Variants in SRSF4 observed in about 807,000 individuals in gnomAD.
SRSF4 encodes the protein serine/arginine-rich splicing factor 4.
In SRSF4, 12 loss-of-function variants were observed where a neutral mutation model predicts 48.8. The ratio of observed to expected loss-of-function variants is 0.25; its 90% CI spans 0.16 to 0.40. The LOEUF is 0.40. Among genes scored for constraint, SRSF4 ranks in the 10% least tolerant of loss-of-function variants. The pLI is 1.00. For synonymous variants in SRSF4, 248 were observed against 232.5 expected (o/e 1.07, Z -0.61); for missense variants, 466 against 667.1 (o/e 0.70, Z 3.32).
At chr1:29,180,651 C>T (rs1672941489) in intron 1 of SRSF4, among the ~76,000 whole-genome samples, 1 of 152,174 alleles carries the variant, frequency 6.6e-6, no homozygotes, top group African/African-American at 2.4e-5. Flanking sequence ...GTTTAGTGCC[C>T]TAAAATGTCA....
intron 5 of SRSF4, 127 bp downstream of exon 5, chr1:29,149,976 C>T (rs1672381140): frequency 4.0e-6 from 3 of 758,538 alleles, no homozygotes; most frequent in Non-Finnish European, 4.4e-6. Context: ...TGCAGTGAGC[C>T]ATGACTGTAC....
chr1:29,179,194 G>A (rs1003375989), intron 1 of SRSF4, among the ~76,000 whole-genome samples: 1 of 152,048 alleles, frequency 6.6e-6, no homozygotes, highest in African/African-American at 2.4e-5. Flanking sequence ...AATAGTCGTT[G>A]TTTCTGGTTT....
intron 4 of SRSF4, among the ~76,000 whole-genome samples, chr1:29,153,083 A>G (rs1484368193): frequency 6.6e-6 from 1 of 152,034 alleles, no homozygotes; most frequent in Non-Finnish European, 1.5e-5. Context: ...AGCACGGTTT[A>G]TTCAATACTC....
chr1:29,173,453 GTTTTTTTTTTTTCTTTTTTTT>G (rs1672779226), intron 1 of SRSF4: 1 of 99,616 alleles, frequency 1.0e-5, no homozygotes, highest in Non-Finnish European at 2.0e-5. Context: ...CTAAAAAGTT[GTTTTTTTTTTTTCTTTTTTTT>G]TTTTTTTTTT....
chr1:29,154,681 A>T lies in SRSF4; in HGVS notation c.578+15T>A. The T allele has an allele frequency of 6.2e-7, 1 of 1,612,368 alleles. No homozygotes were observed. The highest frequency in any genetic ancestry group is 8.5e-7 in the Non-Finnish European group (1 of 1,179,138). On this transcript the variant is annotated intron_variant, in intron 4 of 5. Coordinates refer to ENST00000373795, the MANE Select transcript of SRSF4 (RefSeq NM_005626.5). ...TTTATGATGAGCTCCAACACACAAAAGACATCAACAGTACCTTGAATGACT... is the reference window on the plus strand; with the variant it reads ...TTTATGATGAGCTCCAACACACAAATGACATCAACAGTACCTTGAATGACT...
chr1:29,169,170 G>A (rs1249665544), intron 1 of SRSF4: 3 of 152,210 alleles, frequency 2.0e-5, no homozygotes, highest in African/African-American at 7.2e-5. Flanking sequence ...TCACAACTCT[G>A]AGGTTTACTG....
intron 1 of SRSF4, among the ~76,000 whole-genome samples, chr1:29,160,853 A>G (rs1044239210): frequency 1.4e-4 from 22 of 152,274 alleles, no homozygotes; most frequent in African/African-American, 5.3e-4. Flanking sequence ...TACAAGACAT[A>G]TAACGCTCTT....
At chr1:29,180,812 T>C (rs968431040) in intron 1 of SRSF4, among the ~76,000 whole-genome samples, 1 of 152,224 alleles carries the variant, frequency 6.6e-6, no homozygotes, top group African/African-American at 2.4e-5. Flanking sequence ...TTTGCCGAAG[T>C]AGATTAAGAA....
intron 1 of SRSF4, among the ~76,000 whole-genome samples, chr1:29,175,566 G>A (rs1193982777): frequency 6.7e-6 from 1 of 149,202 alleles, no homozygotes; most frequent in Non-Finnish European, 1.5e-5. Context: ...GCGGTGGCGG[G>A]CTCCTGTAGT....
intron 1 of SRSF4, among the ~76,000 whole-genome samples, chr1:29,180,734 G>A (rs1245543464): frequency 1.3e-5 from 2 of 152,174 alleles, no homozygotes; most frequent in African/African-American, 4.8e-5. Context: ...TTTCCCCGTT[G>A]AGTATTTTCT....
At position 29,148,453 on chromosome 1, in the gene SRSF4, C is replaced by T; in HGVS notation, c.1442G>A (p.Arg481Lys). 6 of 1,611,646 alleles carry T rather than the reference C, an allele frequency of 3.7e-6. No individual in the cohort carries two copies. Among genetic ancestry groups the T allele is most frequent in the Non-Finnish European group, 5.1e-6 (6 of 1,178,590 alleles). The change falls in exon 6 of 6, where the codon AGA becomes AAA. Residue 481 changes from arginine (R) to lysine (K), a missense_variant. By Grantham distance (26) the Arg-to-Lys change is conservative. Transcript: ENST00000373795. ...RSKSRSRSAS[R>K]SPSRSRSRSH... ...CCTAGATCTAGATCGGGAGGGCGATCTGGAAGCAGACCTGGATCTAGACTT... is the reference window on the plus strand; with the variant it reads ...CCTAGATCTAGATCGGGAGGGCGATTTGGAAGCAGACCTGGATCTAGACTT...
chr1:29,158,738 C>T (rs753222288), intron 3 of SRSF4, among the ~76,000 whole-genome samples: 4 of 152,102 alleles, frequency 2.6e-5, no homozygotes, highest in Non-Finnish European at 2.9e-5. Context: ...GCCAGGAGTT[C>T]GAGACCAGTC....
At chr1:29,171,809 T>C (rs949074333) in intron 1 of SRSF4, 3 of 152,156 alleles carry the variant, frequency 2.0e-5, no homozygotes, top group Non-Finnish European at 4.4e-5. Context: ...AAGGGACAAA[T>C]ACTTCGTATG....
intron 1 of SRSF4, among the ~76,000 whole-genome samples, chr1:29,177,561 T>C (rs1283869343): frequency 6.6e-6 from 1 of 152,126 alleles, no homozygotes; most frequent in Non-Finnish European, 1.5e-5. Context: ...GGGTTACAGG[T>C]GTGAGCCACC....
intron 1 of SRSF4, among the ~76,000 whole-genome samples, chr1:29,175,717 AAAAAAAT>A (rs1483580385): frequency 9.9e-5 from 15 of 150,980 alleles, no homozygotes; most frequent in African/African-American, 3.6e-4. Flanking sequence ...AAAAAAAAAA[AAAAAAAT>A]TTCCAATTAT....
Position 29,154,458 on chromosome 1 carries a change from G to A in SRSF4, c.578+238C>T, listed in dbSNP as rs187668562. On this transcript the variant is annotated intron_variant, in intron 4 of 5. Coordinates refer to ENST00000373795, the MANE Select transcript of SRSF4 (RefSeq NM_005626.5). ...GATGCGCCCACCTTGGCCTCCCAAA[G>A]TGCTGGGATTACAGGCGTGAGCAAG... 1,683 of 489,458 alleles carry A rather than the reference G, an allele frequency of 3.4e-3. 21 individuals are homozygous for A. Among genetic ancestry groups the A allele is most frequent in the Non-Finnish European group, 2.5e-3 (700 of 278,388 alleles). The allele number at this position is 489,458 out of a possible 1,614,324, so 30.3% of individuals were successfully genotyped here.
At chr1:29,159,598 A>C in intron 2 of SRSF4, 112 bp from the exon 3 acceptor site, 2 of 596,714 alleles carry the variant, frequency 3.4e-6, no homozygotes, top group Non-Finnish European at 5.8e-6. Flanking sequence ...AAACAATAGC[A>C]CGTTTTAACT....
In SRSF4 at chr1:29,148,941, G is replaced by A; in HGVS notation, c.954C>T (p.Ser318=). 1 of 1,612,954 alleles carries A rather than the reference G, an allele frequency of 6.2e-7. No individual in the cohort carries two copies. The highest frequency in any genetic ancestry group is 8.5e-7 in the Non-Finnish European group (1 of 1,179,824). ...RVEEEKRGSV[S]RGRSQEKSLR... ...GGCTCTTCTCCTGGCTCCTGCCCCT[G>A]CTCACACTCCCTCGCTTCTCCTCCT... Residue 318 remains serine, a synonymous_variant, in exon 6 of 6, where the codon AGC becomes AGT. Coordinates refer to ENST00000373795, the MANE Select transcript of SRSF4 (RefSeq NM_005626.5).
At chr1:29,158,586 C>G (rs931928978) in intron 3 of SRSF4, among the ~76,000 whole-genome samples, 1 of 152,078 alleles carries the variant, frequency 6.6e-6, no homozygotes, top group East Asian at 1.9e-4. Flanking sequence ...CCCACCACCA[C>G]GCCCGGCTAA....
Sources: allele counts gnomAD v4.1 joint callset (sites outside exome capture counted in the v4.1 genomes callset), GRCh38; gene constraint gnomAD v4.1.1; transcripts MANE v1.5; gene names NCBI Gene and HGNC (gene_info 2026-07-23, HGNC 2026-07-21).